Variants in CCDC126 observed in about 807,000 individuals in gnomAD.
CCDC126 encodes the protein coiled-coil domain containing 126, also known as coiled-coil domain-containing protein 126.
Under a neutral mutation model 11.7 loss-of-function variants are expected in CCDC126, and 5 were observed. The ratio of observed to expected loss-of-function variants is 0.43; its 90% CI spans 0.22 to 0.90. The LOEUF (loss-of-function observed/expected upper bound fraction) is 0.90. Ranked by LOEUF, CCDC126 falls within the 40% of genes least tolerant of loss-of-function variation. The pLI is 0.27. For missense variants in CCDC126, 150 were observed against 163.1 expected (o/e 0.92, Z 0.44); for synonymous variants, 60 against 61.9 (o/e 0.97, Z 0.14).
intron 3 of CCDC126, among the ~76,000 whole-genome samples, chr7:23,619,996 G>T (rs916137388): frequency 6.6e-6 from 1 of 151,986 alleles, no homozygotes; most frequent in African/African-American, 2.4e-5. Context: ...GGATATTTGG[G>T]TTGGTTCCAA....
intron 3 of CCDC126, among the ~76,000 whole-genome samples, chr7:23,626,450 AT>A (rs1409053275): frequency 1.3e-5 from 2 of 152,028 alleles, no homozygotes; most frequent in African/African-American, 2.4e-5. Context: ...TGTTTATCCT[AT>A]TTTTTCCAGT....
In CCDC126 at chr7:23,612,506, G is replaced by C. The variant is rs199516250; in HGVS notation, c.238+953G>C. ...AAAAAAAAAAAAAAAAAAAAACAAA[G>C]AAAAAAGAAAAAAAAAATTAGCCAG... On this transcript the variant is annotated intron_variant, in intron 3 of 3. Transcript: ENST00000307471. Among the ~76,000 whole-genome samples the C allele has an allele frequency of 1.2e-4, 11 of 92,110 alleles. No individual in the cohort carries two copies. In the South Asian group the frequency reaches 2.0e-3, roughly 17 times the overall value. The allele number at this position is 92,110 out of a possible 152,430, so 60.4% of individuals were successfully genotyped here.
chr7:23,635,942 G>A (rs916988924), intron 3 of CCDC126, among the ~76,000 whole-genome samples: 2 of 152,092 alleles, frequency 1.3e-5, no homozygotes, highest in Non-Finnish European at 2.9e-5. Context: ...AGCCAAAGCT[G>A]GACGGTACTG....
At chr7:23,622,761 T>C (rs748331189) in intron 3 of CCDC126, 14 of 512,382 alleles carry the variant, frequency 2.7e-5, no homozygotes, top group Admixed American at 1.0e-4. Flanking sequence ...TCCTGTCATG[T>C]ACATTTCTAA....
intron 2 of CCDC126, among the ~76,000 whole-genome samples, chr7:23,606,261 T>C (rs572754506): frequency 2.3e-4 from 35 of 152,242 alleles, no homozygotes; most frequent in East Asian, 5.8e-4. Flanking sequence ...GGTTTCATCA[T>C]GTTAGCCAGG....
intron 2 of CCDC126, among the ~76,000 whole-genome samples, chr7:23,601,477 A>C (rs145757941): frequency 6.6e-6 from 1 of 152,264 alleles, no homozygotes; most frequent in African/African-American, 2.4e-5. Flanking sequence ...TGTACGGTCT[A>C]CTCTGATGGT....
At chr7:23,618,538 ATTTT>A (rs5741645) in intron 3 of CCDC126, among the ~76,000 whole-genome samples, 2 of 119,600 alleles carry the variant, frequency 1.7e-5, no homozygotes, top group Admixed American at 8.5e-5. Context: ...GATCAGCTAA[ATTTT>A]TTTTTTTTTT....
At chr7:23,638,520 T>C (rs1783285878) in intron 3 of CCDC126, among the ~76,000 whole-genome samples, 2 of 118,812 alleles carry the variant, frequency 1.7e-5, no homozygotes, top group Non-Finnish European at 3.4e-5. Flanking sequence ...GAAGGCAGCA[T>C]GCTCGTTAAG....
intron 3 of CCDC126, among the ~76,000 whole-genome samples, chr7:23,615,073 A>C (rs960873056): frequency 1.3e-5 from 2 of 152,190 alleles, no homozygotes; most frequent in Non-Finnish European, 2.9e-5. Context: ...AGCTATGAAA[A>C]TCCTAGATGG....
chr7:23,632,093 GTT>G (rs200021592), intron 3 of CCDC126, among the ~76,000 whole-genome samples: 7 of 134,716 alleles, frequency 5.2e-5, no homozygotes, highest in Non-Finnish European at 8.1e-5. Flanking sequence ...CACCAAGTGG[GTT>G]TTTTTTTTTT....
At chr7:23,601,866 T>G (rs748995545) in intron 2 of CCDC126, 3 of 152,142 alleles carry the variant, frequency 2.0e-5, no homozygotes, top group African/African-American at 4.8e-5. Flanking sequence ...ATTTTTTTTT[T>G]GTAGTGACTG....
At chr7:23,621,186 C>T (rs550573146) in intron 3 of CCDC126, among the ~76,000 whole-genome samples, 20 of 152,324 alleles carry the variant, frequency 1.3e-4, no homozygotes, top group African/African-American at 4.3e-4. Context: ...GCCATTTTCA[C>T]GATATTGATT....
intron 3 of CCDC126, among the ~76,000 whole-genome samples, chr7:23,626,907 T>C (rs188074267): frequency 6.6e-5 from 10 of 152,370 alleles, no homozygotes; most frequent in South Asian, 4.1e-4. Context: ...CTCTTTAATC[T>C]ATAATCATTT....
intron 1 of CCDC126, 94 bp downstream of exon 1, chr7:23,597,699 C>G (rs1782446531): frequency 6.5e-6 from 1 of 152,852 alleles, no homozygotes; most frequent in East Asian, 1.9e-4. Flanking sequence ...CGCCCCCGTC[C>G]CCGGTCCCCG....
intron 3 of CCDC126, among the ~76,000 whole-genome samples, chr7:23,623,862 T>C (rs778046219): frequency 2.4e-4 from 37 of 152,342 alleles, no homozygotes; most frequent in South Asian, 1.9e-3. Flanking sequence ...TTATAAATTG[T>C]CGCTTTGTAG....
intron 3 of CCDC126, among the ~76,000 whole-genome samples, chr7:23,613,135 A>G (rs1782744171): frequency 6.6e-6 from 1 of 152,078 alleles, no homozygotes; most frequent in African/African-American, 2.4e-5. Context: ...ACATAGTGAA[A>G]CCATTTCTCT....
intron 3 of CCDC126, among the ~76,000 whole-genome samples, chr7:23,614,365 A>G (rs1584199812): frequency 6.6e-6 from 1 of 152,186 alleles, no homozygotes; most frequent in African/African-American, 2.4e-5. Flanking sequence ...TTATCATGAG[A>G]TTGCAGCAAT....
intron 2 of CCDC126, among the ~76,000 whole-genome samples, chr7:23,602,572 T>G (rs1462303013): frequency 6.6e-6 from 1 of 152,212 alleles, no homozygotes; most frequent in Non-Finnish European, 1.5e-5. Context: ...CATGCTGTGC[T>G]TTGGGAGCCT....
At chr7:23,610,116 A>T (rs1782684844) in intron 2 of CCDC126, among the ~76,000 whole-genome samples, 1 of 152,094 alleles carries the variant, frequency 6.6e-6, no homozygotes, top group Non-Finnish European at 1.5e-5. Context: ...ATAACCTTTT[A>T]ATTTTTTCTT....
Sources: allele counts gnomAD v4.1 joint callset (sites outside exome capture counted in the v4.1 genomes callset), GRCh38; gene constraint gnomAD v4.1.1; transcripts MANE v1.5; gene names NCBI Gene and HGNC (gene_info 2026-07-23, HGNC 2026-07-21).